CCSER1: variants seen among roughly 807,000 people sequenced by gnomAD.
The protein encoded by CCSER1 is serine-rich coiled-coil domain-containing protein 1.
CCSER1 carries 41 observed loss-of-function variants against 82.0 expected under a neutral mutation model. That is an observed-to-expected ratio of 0.50 (90% CI 0.39 to 0.65). The LOEUF is 0.65. Among genes scored for constraint, CCSER1 ranks in the 30% least tolerant of loss-of-function variants. The probability of loss-of-function intolerance (pLI) is 0.00; values close to 1 mark genes in which losing one functional copy is unlikely to be tolerated. For missense variants in CCSER1, 1,119 were observed against 1,064.2 expected (o/e 1.05, Z -0.72); for synonymous variants, 414 against 383.9 (o/e 1.08, Z -0.92).
chr4:90,521,665 C>A (rs1328807912), intron 5 of CCSER1, among the ~76,000 whole-genome samples: 1 of 152,002 alleles, frequency 6.6e-6, no homozygotes, highest in East Asian at 1.9e-4. Flanking sequence ...AGAAACACTG[C>A]AGGATTTTTT....
chr4:90,539,566 A>T lies in CCSER1; in HGVS notation c.1724+71212A>T, dbSNP rs563013722. Among the ~76,000 whole-genome samples the T allele has an allele frequency of 9.9e-5, 15 of 152,084 alleles. No individual in the cohort carries two copies. In the East Asian group the frequency reaches 2.7e-3, roughly 27 times the overall value. On this transcript the variant is annotated intron_variant, in intron 5 of 10. Transcript: ENST00000509176. ...TTGATTGTGAGCCACTGGAATACAGACTCTAATTGGGTAGGGATCTTACCA... is the reference window on the plus strand; with the variant it reads ...TTGATTGTGAGCCACTGGAATACAGTCTCTAATTGGGTAGGGATCTTACCA...
At chr4:90,536,503 G>A (rs1775387696) in intron 5 of CCSER1, among the ~76,000 whole-genome samples, 1 of 152,132 alleles carries the variant, frequency 6.6e-6, no homozygotes, top group Non-Finnish European at 1.5e-5. Context: ...ATCATCTTCT[G>A]TCTGATTATT....
chr4:90,160,697 G>T (rs1253712568), intron 1 of CCSER1, among the ~76,000 whole-genome samples: 2 of 152,154 alleles, frequency 1.3e-5, no homozygotes, highest in African/African-American at 4.8e-5. Flanking sequence ...GAAGAATCAT[G>T]AGGTAGATAA....
At chr4:90,128,516 T>TGTGTGTGTGC (rs994567297) in intron 1 of CCSER1, among the ~76,000 whole-genome samples, 2 of 128,504 alleles carry the variant, frequency 1.6e-5, no homozygotes, top group African/African-American at 6.4e-5. Flanking sequence ...TGTGTGTGTG[T>TGTGTGTGTGC]GCGCGCGCGC....
Position 91,438,850 on chromosome 4 carries a change from C to T in CCSER1, c.2218-159722C>T, listed in dbSNP as rs372078839. 2.6e-5 allele frequency among the ~76,000 whole-genome samples: 4 copies of T among 151,936 alleles called. No individual in the cohort carries two copies. The East Asian group carries it at 5.8e-4, about 22-fold the overall frequency. ...GTGAAGAATGCAGAAGGCTCAGGAGCCAATGCGATCAACTGGAAGAAAGGG... is the reference window on the plus strand; with the variant it reads ...GTGAAGAATGCAGAAGGCTCAGGAGTCAATGCGATCAACTGGAAGAAAGGG... On this transcript the variant is annotated intron_variant, in intron 10 of 10. Transcript: ENST00000509176.
At chr4:91,172,920 T>C (rs1732915707) in intron 10 of CCSER1, among the ~76,000 whole-genome samples, 1 of 152,046 alleles carries the variant, frequency 6.6e-6, no homozygotes, top group Admixed American at 6.5e-5. Context: ...AATACAAAAG[T>C]GGAAAAAAAA....
At chr4:91,324,419 T>C (rs1746407390) in intron 10 of CCSER1, among the ~76,000 whole-genome samples, 1 of 152,190 alleles carries the variant, frequency 6.6e-6, no homozygotes, top group Non-Finnish European at 1.5e-5. Context: ...GCAATACATT[T>C]GTTCACACGA....
chr4:90,258,002 C>A (rs1723657508), intron 1 of CCSER1, among the ~76,000 whole-genome samples: 1 of 152,140 alleles, frequency 6.6e-6, no homozygotes, highest in Admixed American at 6.6e-5. Flanking sequence ...AATACCTGGG[C>A]AGTCTGTGGT....
intron 10 of CCSER1, among the ~76,000 whole-genome samples, chr4:91,267,478 G>A (rs991740740): frequency 1.3e-5 from 2 of 152,126 alleles, no homozygotes; most frequent in African/African-American, 4.8e-5. Context: ...CCCTGCTTCT[G>A]TAGTGTGGAG....
At chr4:90,612,053 G>T (rs963371754) in intron 5 of CCSER1, among the ~76,000 whole-genome samples, 3 of 151,532 alleles carry the variant, frequency 2.0e-5, no homozygotes. Context: ...CTGTAGACAT[G>T]CCAATAACAA....
At chr4:91,445,636 A>T (rs1482365098) in intron 10 of CCSER1, among the ~76,000 whole-genome samples, 1 of 151,878 alleles carries the variant, frequency 6.6e-6, no homozygotes, top group African/African-American at 2.4e-5. Context: ...CATCCAATCT[A>T]TTTGTTTTTA....
intron 1 of CCSER1, among the ~76,000 whole-genome samples, chr4:90,158,744 G>C (rs1560713959): frequency 6.6e-6 from 1 of 152,312 alleles, no homozygotes; most frequent in East Asian, 1.9e-4. Context: ...CGCAGAATTA[G>C]GGTGGGACTG....
intron 1 of CCSER1, among the ~76,000 whole-genome samples, chr4:90,254,619 C>A (rs955630013): frequency 1.1e-4 from 16 of 152,068 alleles, no homozygotes; most frequent in Non-Finnish European, 1.6e-4. Flanking sequence ...ATCAGCTCCT[C>A]CTGGGAAGAA....
At chr4:91,535,800 TTTAAC>T (rs748899450) in intron 10 of CCSER1, among the ~76,000 whole-genome samples, 1 of 152,066 alleles carries the variant, frequency 6.6e-6, no homozygotes, top group East Asian at 1.9e-4. Context: ...AAGCTTGAAT[TTTAAC>T]TTAATAAGAC....
At chr4:91,505,186 C>A (rs780530887) in intron 10 of CCSER1, among the ~76,000 whole-genome samples, 1 of 152,180 alleles carries the variant, frequency 6.6e-6, no homozygotes, top group Non-Finnish European at 1.5e-5. Context: ...TAAGTGAGAA[C>A]ATACAGTGTT....
At chr4:91,166,353 C>T (rs1732074909) in intron 10 of CCSER1, among the ~76,000 whole-genome samples, 2 of 152,094 alleles carry the variant, frequency 1.3e-5, no homozygotes, top group African/African-American at 2.4e-5. Flanking sequence ...GTACTATATA[C>T]TGGTGATTAA....
intron 5 of CCSER1, among the ~76,000 whole-genome samples, chr4:90,548,041 C>T (rs1776988134): frequency 6.6e-6 from 1 of 152,002 alleles, no homozygotes; most frequent in African/African-American, 2.4e-5. Flanking sequence ...AAGGCTAAGC[C>T]TCACGTTGGT....
At chr4:91,168,651 A>T (rs959625365) in intron 10 of CCSER1, among the ~76,000 whole-genome samples, 1 of 152,100 alleles carries the variant, frequency 6.6e-6, no homozygotes, top group Non-Finnish European at 1.5e-5. Flanking sequence ...GGAAGTGAGG[A>T]GTGCCTCTGC....
chr4:91,346,572 C>G, intron 10 of CCSER1, among the ~76,000 whole-genome samples: 1 of 152,142 alleles, frequency 6.6e-6, no homozygotes, highest in Admixed American at 6.5e-5. Context: ...AAACTGTCTT[C>G]CAAAGTGGCT....
Sources: allele counts gnomAD v4.1 joint callset (sites outside exome capture counted in the v4.1 genomes callset), GRCh38; gene constraint gnomAD v4.1.1; transcripts MANE v1.5; gene names NCBI Gene and HGNC (gene_info 2026-07-23, HGNC 2026-07-21).